DCHS1: variants seen among roughly 807,000 people sequenced by gnomAD.
DCHS1 encodes the protein dachsous cadherin-related 1, also known as protocadherin-16.
A neutral mutation model predicts 213.9 loss-of-function variants in DCHS1; 78 were observed. That is an observed-to-expected ratio of 0.36 (90% CI 0.30 to 0.44). The LOEUF is 0.44. Among genes scored for constraint, DCHS1 ranks in the 20% least tolerant of loss-of-function variants. The pLI, the probability that DCHS1 is intolerant of heterozygous loss-of-function variation, is 1.00. For synonymous variants in DCHS1, 1,828 were observed against 1,873.7 expected, an observed-to-expected ratio of 0.98 and a Z score of 0.63; for missense variants, 3,946 against 4,395.9, an observed-to-expected ratio of 0.90 and a Z score of 2.89.
At position 6,630,690 on chromosome 11, in the gene DCHS1, T is replaced by C. The variant is rs1318302423; in HGVS notation, c.4104A>G (p.Thr1368=). ...CCTCGGGATCGGCACCGCCCACCAG[T>C]GTGTAGGTGAGTGCACCCACACCCG... ...EPAGVGALTY[T]LVGGADPEGT... Residue 1368 remains threonine, a synonymous_variant, in exon 10 of 21, where the codon ACA becomes ACG. Coordinates refer to ENST00000299441, the MANE Select transcript of DCHS1 (RefSeq NM_003737.4). 11 of 1,541,792 alleles carry C rather than the reference T, an allele frequency of 7.1e-6. No homozygotes were observed. The highest frequency in any genetic ancestry group is 1.4e-5 in the African/African-American group (1 of 73,046).
Position 6,628,647 on chromosome 11 carries a change from T to C in DCHS1, c.5345A>G (p.Asn1782Ser). The stretch of plus-strand genomic sequence containing the variant: ...TAGGATGCGGTACTGCAACTGCCCA[T>C]TGGCTCCCACATCTGGATCAGAGGC... ...LRASDPDVGA[N>S]GQLQYRILDG... The change falls in exon 13 of 21, where the codon AAT becomes AGT. Residue 1782 changes from asparagine (N) to serine (S), a missense_variant. This residue lies in a region of DCHS1 where 3,384 missense variants were observed against 3,780.1 expected (regional missense o/e 0.90). Coordinates refer to ENST00000299441, the MANE Select transcript of DCHS1 (RefSeq NM_003737.4). This position sits in a 1 kb window ranked among gnomAD's most constrained non-coding sequence, Gnocchi z 4.3. The C allele has an allele frequency of 6.2e-7, 1 of 1,614,024 alleles. No homozygotes were observed. Among genetic ancestry groups the C allele is most frequent in the Non-Finnish European group, 8.5e-7 (1 of 1,179,898 alleles).
In DCHS1 at chr11:6,632,142, C is replaced by T. The variant is rs200822079; in HGVS notation, c.3370G>A (p.Val1124Met). Residue 1124 changes from valine (V) to methionine (M), a missense_variant, in exon 6 of 21, where the codon GTG (valine) becomes ATG (methionine). Physicochemically the swap from Val to Met is conservative, Grantham distance 21. Around this residue, in one of 3 missense-constraint regions of DCHS1, gnomAD observed 3,384 missense variants for 3,780.1 expected, o/e 0.90. Transcript: ENST00000299441. This position sits in a 1 kb window ranked among gnomAD's most constrained non-coding sequence, Gnocchi z 5.9. ...VAENQPPGTS[V>M]GRVFATDRDS... is the part of the protein sequence containing the mutation. ...CGGTCAGTGGCAAAGACTCGGCCCA[C>T]GCTGGTCCCTGGGGGCTGGTTCTCA... is the stretch of plus-strand genomic sequence containing the variant. 5.8e-4 allele frequency: 914 copies of T among 1,586,852 alleles called. 1 individual carries two copies. Among genetic ancestry groups the T allele is most frequent in the Non-Finnish European group, 7.3e-4 (847 of 1,163,164 alleles).
Position 6,639,969 on chromosome 11 carries a change from C to G in DCHS1, c.1645G>C (p.Val549Leu). Residue 549 changes from valine to leucine, a missense_variant, in exon 2 of 21, where the codon GTG becomes CTG. Physicochemically the swap from Val to Leu is conservative, Grantham distance 32. This residue lies in a region of DCHS1 where 3,384 missense variants were observed against 3,780.1 expected (regional missense o/e 0.90). Transcript: ENST00000299441. ...GGGGGCAGGCCACCATCTGTGGCCA[C>G]CACAATCAGCTGTGGCTGAGGTTCC... Reference protein sequence around the residue: ...ELEPQPQLIVVATDGGLPPLA... With the variant: ...ELEPQPQLIVLATDGGLPPLA... 6.2e-7 allele frequency: 1 copy of G among 1,614,004 alleles called. No homozygotes were observed. The highest frequency in any genetic ancestry group is 8.5e-7 in the Non-Finnish European group (1 of 1,179,888).
intron 1 of DCHS1, among the ~76,000 whole-genome samples, chr11:6,651,571 A>G (rs550049351): frequency 2.6e-5 from 4 of 152,362 alleles, no homozygotes; most frequent in East Asian, 1.9e-4. Context: ...TGTTACTCCA[A>G]TGAAAAGAAT....
rs1292589707 is a variant in DCHS1, at chr11:6,641,803, C to T, written c.-120-70G>A. 3.8e-6 allele frequency: 5 copies of T among 1,298,846 alleles called. No homozygotes were observed. Among genetic ancestry groups the T allele is most frequent in the Non-Finnish European group, 5.1e-6 (5 of 978,324 alleles). The allele number at this position is 1,298,846 out of a possible 1,614,324, so 80.5% of individuals were successfully genotyped here. On this transcript the variant is annotated intron_variant, in intron 1 of 20. Coordinates refer to ENST00000299441, the MANE Select transcript of DCHS1 (RefSeq NM_003737.4). The surrounding 1 kb of genome is among the most constrained non-coding windows in gnomAD (Gnocchi z 7.1). ...AGCAGTCCAGATAACCTGGACGAGG[C>T]CACATCAACATTCAGATATGCTCAG...
chr11:6,626,231 G>A lies in DCHS1; in HGVS notation c.6514C>T (p.Leu2172=). ...AGGAAGGCCACATAATGGGGCCGCA[G>A]GAAACGGGGAGCATTGTCGTTGGCA... is the stretch of plus-strand genomic sequence containing the variant. ...QDANDNAPRF[L]RPHYVAFLPE... The change falls in exon 16 of 21, where the codon CTG becomes TTG. Residue 2172 remains leucine (L), a synonymous_variant. Coordinates refer to ENST00000299441, the MANE Select transcript of DCHS1 (RefSeq NM_003737.4). This position sits in a 1 kb window ranked among gnomAD's most constrained non-coding sequence, Gnocchi z 5.2. The A allele has an allele frequency of 6.2e-7, 1 of 1,612,074 alleles. No homozygotes were observed. Among genetic ancestry groups the A allele is most frequent in the Non-Finnish European group, 8.5e-7 (1 of 1,179,104 alleles).
chr11:6,625,656 A>G lies in DCHS1; in HGVS notation c.6803T>C (p.Ile2268Thr), dbSNP rs766133504. Residue 2268 changes from isoleucine (I) to threonine (T), a missense_variant, in exon 18 of 21, where the codon ATC becomes ACC. Transcript: ENST00000299441. The surrounding 1 kb of genome is among the most constrained non-coding windows in gnomAD (Gnocchi z 5.3). ...GGTGGGGCGATTGTCATTGGTGTCG[A>G]TGACCATCACCGTCAAGGTAGCTGA... ...VGSATLTVMVIDTNDNRPTIP... is the reference protein window; with the variant it reads ...VGSATLTVMVTDTNDNRPTIP... The G allele has an allele frequency of 3.2e-5, 52 of 1,613,332 alleles. No homozygotes were observed. The Middle Eastern group carries it at 9.9e-4, about 31-fold the overall frequency.
chr11:6,626,319 C>T lies in DCHS1; in HGVS notation c.6426G>A (p.Leu2142=). Reference sequence around the variant, plus strand: ...CTCCTCCACTCTCTGCCTGCAGCACCAGTCGCAGCCGTGGACTCACCTCGA... The same window carrying T: ...CTCCTCCACTCTCTGCCTGCAGCACTAGTCGCAGCCGTGGACTCACCTCGA... ...LDFEVSPRLR[L]VLQAESGGAF... is the part of the protein sequence containing the mutation. Residue 2142 remains leucine, a synonymous_variant, in exon 16 of 21, where the codon CTG becomes CTA. Transcript: ENST00000299441. The surrounding 1 kb of genome is among the most constrained non-coding windows in gnomAD (Gnocchi z 5.2). 2.5e-6 allele frequency: 4 copies of T among 1,613,560 alleles called. No homozygotes were observed. Among genetic ancestry groups the T allele is most frequent in the Non-Finnish European group, 3.4e-6 (4 of 1,179,726 alleles).
At chr11:6,629,213 G>A (rs1855860489) in intron 12 of DCHS1, among the ~76,000 whole-genome samples, 1 of 152,158 alleles carries the variant, frequency 6.6e-6, no homozygotes. Flanking sequence ...AGGCCTGGAG[G>A]GCATAGCTGT....
chr11:6,636,321 T>C (rs544781697), intron 2 of DCHS1, among the ~76,000 whole-genome samples: 1 of 152,318 alleles, frequency 6.6e-6, no homozygotes, highest in East Asian at 1.9e-4. Context: ...GCAATCCTCC[T>C]GCCTTAGCCT....
In DCHS1 at chr11:6,627,001, A is replaced by G. The variant is rs1855816552; in HGVS notation, c.6038T>C (p.Val2013Ala). Residue 2013 changes from valine to alanine, a missense_variant, in exon 14 of 21, where the codon GTG (valine) becomes GCG (alanine). Around this residue, in one of 3 missense-constraint regions of DCHS1, gnomAD observed 3,384 missense variants for 3,780.1 expected, o/e 0.90. Coordinates refer to ENST00000299441, the MANE Select transcript of DCHS1 (RefSeq NM_003737.4). The surrounding 1 kb of genome is among the most constrained non-coding windows in gnomAD (Gnocchi z 5.4). Reference protein sequence around the residue: ...LAGTPPPGTTVDSYTGEIRVA... With the variant: ...LAGTPPPGTTADSYTGEIRVA... ...GCGGATTTCACCAGTGTAAGAGTCC[A>G]CAGTAGTGCCAGGAGGTGGTGTGCC... 1 of 1,613,712 alleles carries G rather than the reference A, an allele frequency of 6.2e-7. No individual in the cohort carries two copies. Among genetic ancestry groups the G allele is most frequent in the Non-Finnish European group, 8.5e-7 (1 of 1,179,862 alleles).
rs373525271 is a variant in DCHS1 at position 6,631,827 on chromosome 11, C to T, written c.3482-18G>A. 2.5e-5 allele frequency: 38 copies of T among 1,509,202 alleles called. No homozygotes were observed. Among genetic ancestry groups the T allele is most frequent in the African/African-American group, 2.2e-4 (16 of 71,614 alleles). The allele number at this position is 1,509,202 out of a possible 1,614,324, so 93.5% of individuals were successfully genotyped here. On this transcript the variant is annotated intron_variant, in intron 6 of 20. Transcript: ENST00000299441. The stretch of plus-strand genomic sequence containing the variant: ...CACTTCTCCTGGGAGTGCAAGAAGG[C>T]GATCATGTACGAGATGTTTAAGGAT...
In DCHS1 at chr11:6,627,756, C is replaced by T; in HGVS notation, c.5372-89G>A. The T allele has an allele frequency of 7.3e-7, 1 of 1,379,080 alleles. No individual in the cohort carries two copies. The highest frequency in any genetic ancestry group is 1.4e-5 in the South Asian group (1 of 70,192). 85.4% of individuals were successfully genotyped at this position (1,379,080 alleles called of 1,614,324 possible). ...CAACAGGAGAGAGTGAGCATGTGCA[C>T]AAAAGCAAGTGAACCTTATGAGAGA... On this transcript the variant is annotated intron_variant, in intron 13 of 20. Transcript: ENST00000299441. The surrounding 1 kb of genome is among the most constrained non-coding windows in gnomAD (Gnocchi z 5.4).
Position 6,639,875 on chromosome 11 carries a change from C to T in DCHS1, c.1739G>A (p.Arg580Lys). 2 of 1,613,484 alleles carry T rather than the reference C, an allele frequency of 1.2e-6. No homozygotes were observed. Among genetic ancestry groups the T allele is most frequent in the Non-Finnish European group, 1.7e-6 (2 of 1,179,540 alleles). ...AGGCAGTGAGGCATTGTAGAAAGTCCTCTGGAATTGGGGCTCATTATCATT... is the reference window on the plus strand; with the variant it reads ...AGGCAGTGAGGCATTGTAGAAAGTCTTCTGGAATTGGGGCTCATTATCATT... Reference protein sequence around the residue: ...DVNDNEPQFQRTFYNASLPEG... With the variant: ...DVNDNEPQFQKTFYNASLPEG... Residue 580 changes from arginine to lysine, a missense_variant, in exon 2 of 21, where the codon AGG (arginine) becomes AAG (lysine). Arg to Lys is a conservative substitution (Grantham distance 26). This residue lies in a region of DCHS1 where 3,384 missense variants were observed against 3,780.1 expected (regional missense o/e 0.90). Transcript: ENST00000299441.
At chr11:6,646,028 T>C (rs1221405761) in intron 1 of DCHS1, among the ~76,000 whole-genome samples, 1 of 151,894 alleles carries the variant, frequency 6.6e-6, no homozygotes, top group Non-Finnish European at 1.5e-5. Context: ...CCCCCACACG[T>C]ATGCAGGCAT....
intron 12 of DCHS1, 52 bp downstream of exon 12, chr11:6,629,400 A>C: frequency 6.3e-7 from 1 of 1,599,290 alleles, no homozygotes; most frequent in Non-Finnish European, 8.5e-7. Context: ...TCCAGGTAAC[A>C]CTGGTGTTTA....
At position 6,626,477 on chromosome 11, in the gene DCHS1, A is replaced by G; in HGVS notation, c.6364+75T>C. 16 of 1,605,402 alleles carry G rather than the reference A, an allele frequency of 1.0e-5. 1 individual carries two copies. In the South Asian group the frequency reaches 1.8e-4, roughly 18 times the overall value. On this transcript the variant is annotated intron_variant, in intron 15 of 20. Transcript: ENST00000299441. This position sits in a 1 kb window ranked among gnomAD's most constrained non-coding sequence, Gnocchi z 5.2. ...ACTCAAGGACAGCCCTTCACCCATC[A>G]AAGGCTCCTCTGATGCAAAGAACCT...
At chr11:6,637,312 C>T (rs1373379805) in intron 2 of DCHS1, among the ~76,000 whole-genome samples, 1 of 152,194 alleles carries the variant, frequency 6.6e-6, no homozygotes, top group East Asian at 1.9e-4. Context: ...TTCTCAGCCT[C>T]TACCCACTAG....
chr11:6,650,649 G>A (rs985572746), intron 1 of DCHS1, among the ~76,000 whole-genome samples: 2 of 152,120 alleles, frequency 1.3e-5, no homozygotes, highest in African/African-American at 4.8e-5. Context: ...GTGAGTCCGT[G>A]GGCTAAGAGG....
Sources: allele counts gnomAD v4.1 joint callset (sites outside exome capture counted in the v4.1 genomes callset), GRCh38; gene constraint gnomAD v4.1.1; regional missense constraint gnomAD v4.1.1; non-coding constraint Gnocchi (gnomAD v3.1); transcripts MANE v1.5; gene names NCBI Gene and HGNC (gene_info 2026-07-23, HGNC 2026-07-21).